The following NEDD4L variants were observed in gnomAD, a reference collection of about 807,000 sequenced individuals.
NEDD4L encodes the protein E3 ubiquitin-protein ligase NEDD4-like.
In NEDD4L, 54 loss-of-function variants were observed where a neutral mutation model predicts 148.9. That is an observed-to-expected ratio of 0.36 (90% CI 0.29 to 0.45). The LOEUF is 0.45. Ranked by LOEUF, NEDD4L falls within the 20% of genes least tolerant of loss-of-function variation. The pLI is 1.00. For missense variants in NEDD4L, 856 were observed against 1,233.8 expected (o/e 0.69, Z 4.59); for synonymous variants, 433 against 440.7 (o/e 0.98, Z 0.22).
At chr18:58,155,058 G>A (rs1405694943) in intron 1 of NEDD4L, among the ~76,000 whole-genome samples, 2 of 152,096 alleles carry the variant, frequency 1.3e-5, no homozygotes, top group African/African-American at 2.4e-5. Context: ...ATTTTAGATG[G>A]CCTTTTAGAA....
intron 1 of NEDD4L, chr18:58,045,897 T>C (rs898464533): frequency 1.3e-5 from 2 of 152,236 alleles, no homozygotes; most frequent in African/African-American, 4.8e-5. Context: ...AGGTTCCCTC[T>C]TTCTCTCGTG....
chr18:58,393,473 C>A (rs1357154608), intron 30 of NEDD4L, among the ~76,000 whole-genome samples: 1 of 152,156 alleles, frequency 6.6e-6, no homozygotes, highest in African/African-American at 2.4e-5. Flanking sequence ...AGGGAACAAC[C>A]CAGCTGGCTC....
In NEDD4L at chr18:58,077,359, C is replaced by T. The variant is rs185908953; in HGVS notation, c.48+32651C>T. On this transcript the variant is annotated intron_variant, in intron 1 of 30. Transcript: ENST00000400345. Reference sequence around the variant, plus strand: ...TTTTTGTATTTTTTATAGAGATAGGCTTTTGCCATGTTGCCCAGGCTGGCC... The same window carrying T: ...TTTTTGTATTTTTTATAGAGATAGGTTTTTGCCATGTTGCCCAGGCTGGCC... Among the ~76,000 whole-genome samples, 5 of 151,688 alleles carry T rather than the reference C, an allele frequency of 3.3e-5. No individual in the cohort carries two copies. In the East Asian group the frequency reaches 9.7e-4, roughly 30 times the overall value.
chr18:58,370,781 T>C (rs747141241), intron 23 of NEDD4L, among the ~76,000 whole-genome samples: 1 of 152,224 alleles, frequency 6.6e-6, no homozygotes, highest in Non-Finnish European at 1.5e-5. Flanking sequence ...CTGTGTTTTC[T>C]ATAAAAACTG....
At chr18:58,118,913 C>T (rs1203571578) in intron 1 of NEDD4L, among the ~76,000 whole-genome samples, 1 of 152,154 alleles carries the variant, frequency 6.6e-6, no homozygotes. Context: ...CTGGGTTTCT[C>T]TTGAAGGTCC....
At chr18:58,288,326 C>T (rs906014998) in intron 5 of NEDD4L, among the ~76,000 whole-genome samples, 3 of 152,128 alleles carry the variant, frequency 2.0e-5, no homozygotes, top group Admixed American at 2.0e-4. Context: ...GCATAAGTAA[C>T]CCTGAGTAGT....
chr18:58,144,367 TG>T (rs1414696875), intron 1 of NEDD4L, among the ~76,000 whole-genome samples: 2 of 152,052 alleles, frequency 1.3e-5, no homozygotes, highest in African/African-American at 4.8e-5. Context: ...AGCAAGGGGT[TG>T]GGTCACACAC....
At position 58,367,867 on chromosome 18, in the gene NEDD4L, G is replaced by A. The variant is rs2046321459; in HGVS notation, c.2185G>A (p.Gly729Ser). Reference sequence around the variant, plus strand: ...CGTATTTCATGGGAAGCTCTTAGATGGTAAGTCTTGAAGTAATAAAAATAG... The same window carrying A: ...CGTATTTCATGGGAAGCTCTTAGATAGTAAGTCTTGAAGTAATAAAAATAG... ...LAVFHGKLLD[G>S]FFIRPFYKMM... Residue 729 changes from glycine to serine, a missense_variant and splice_region_variant, in exon 22 of 31, where the codon GGT (glycine) becomes AGT (serine). By Grantham distance (56) the Gly-to-Ser change is moderately conservative. This residue lies in a region of NEDD4L where 286 missense variants were observed against 531.8 expected (regional missense o/e 0.54). Transcript: ENST00000400345. The A allele has an allele frequency of 6.2e-7, 1 of 1,613,816 alleles. No homozygotes were observed. The highest frequency in any genetic ancestry group is 1.7e-5 in the Admixed American group (1 of 60,002).
chr18:58,101,023 T>C (rs73440849), intron 1 of NEDD4L, among the ~76,000 whole-genome samples: 13,021 of 152,180 alleles, frequency 0.086, 628 homozygotes, highest in Non-Finnish European at 0.11. Flanking sequence ...CCAGGCTGGT[T>C]TCAAGGTCCT....
At position 58,387,589 on chromosome 18, in the gene NEDD4L, A is replaced by G. The variant is rs1223280823; in HGVS notation, c.2547+91A>G. On this transcript the variant is annotated intron_variant, in intron 27 of 30. Transcript: ENST00000400345. ...GTAATATTTTAATATTCTTGGATCC[A>G]TAATGTCCTAGAGAGTAACTTTAGA... 8 of 1,319,324 alleles carry G rather than the reference A, an allele frequency of 6.1e-6. No individual in the cohort carries two copies. The East Asian group carries it at 1.6e-4, about 26-fold the overall frequency. 81.7% of individuals were successfully genotyped at this position (1,319,324 alleles called of 1,614,324 possible).
chr18:58,128,026 G>A (rs1371996649), intron 1 of NEDD4L, among the ~76,000 whole-genome samples: 1 of 151,542 alleles, frequency 6.6e-6, no homozygotes, highest in African/African-American at 2.4e-5. Context: ...GTTTTGTTTT[G>A]TTTTGTTTTG....
At chr18:58,276,464 C>T (rs2052029970) in intron 5 of NEDD4L, among the ~76,000 whole-genome samples, 1 of 152,016 alleles carries the variant, frequency 6.6e-6, no homozygotes, top group African/African-American at 2.4e-5. Context: ...CCACCTCGGC[C>T]TTTCAAAGTG....
chr18:58,311,170 C>T (rs1376995194), intron 5 of NEDD4L, among the ~76,000 whole-genome samples: 2 of 152,190 alleles, frequency 1.3e-5, no homozygotes, highest in Admixed American at 6.5e-5. Context: ...ACTTAGTACA[C>T]ACATTTATGT....
intron 1 of NEDD4L, among the ~76,000 whole-genome samples, chr18:58,142,147 C>T (rs9807168): frequency 0.32 from 47,623 of 147,710 alleles, 7,948 homozygotes; most frequent in Non-Finnish European, 0.37. Flanking sequence ...CCTGGGTTCA[C>T]GCCATTCTCC....
At chr18:58,259,074 G>A (rs964599554) in intron 5 of NEDD4L, among the ~76,000 whole-genome samples, 2 of 152,156 alleles carry the variant, frequency 1.3e-5, no homozygotes, top group African/African-American at 2.4e-5. Flanking sequence ...TGGGAATACC[G>A]CTCGGGATTC....
intron 2 of NEDD4L, among the ~76,000 whole-genome samples, chr18:58,220,519 C>T (rs1324019764): frequency 6.6e-6 from 1 of 152,212 alleles, no homozygotes; most frequent in Non-Finnish European, 1.5e-5. Context: ...CTCCCAGCCT[C>T]AAGGGGTGAT....
At chr18:58,354,330 C>T (rs1248880947) in intron 18 of NEDD4L, among the ~76,000 whole-genome samples, 1 of 152,102 alleles carries the variant, frequency 6.6e-6, no homozygotes, top group African/African-American at 2.4e-5. Flanking sequence ...AACAGTCTTA[C>T]TAGACCTGTT....
At chr18:58,376,249 G>T (rs1184275717) in intron 24 of NEDD4L, among the ~76,000 whole-genome samples, 1 of 152,074 alleles carries the variant, frequency 6.6e-6, no homozygotes, top group Non-Finnish European at 1.5e-5. Flanking sequence ...TCTGATGATC[G>T]TTCAGGCCAG....
chr18:58,324,882 T>C, intron 8 of NEDD4L, 114 bp from the exon 9 acceptor site: 4 of 959,278 alleles, frequency 4.2e-6, no homozygotes, highest in Admixed American at 2.3e-5. Flanking sequence ...AAGCCATGGC[T>C]AGAGCCAGAG....
Sources: gnomAD v4.1 joint callset for allele counts (sites outside exome capture counted in the v4.1 genomes callset) on GRCh38, gnomAD v4.1.1 for gene constraint, gnomAD v4.1.1 regional missense constraint, MANE v1.5 for transcripts, NCBI Gene and HGNC (gene_info 2026-07-23, HGNC 2026-07-21) for gene names.